The following CROT variants were observed in gnomAD, a reference collection of about 807,000 sequenced individuals.
CROT encodes the protein peroxisomal carnitine O-octanoyltransferase.
CROT carries 84 observed loss-of-function variants against 89.2 expected under a neutral mutation model. The ratio of observed to expected loss-of-function variants is 0.94; its 90% confidence interval spans 0.79 to 1.13. The LOEUF (loss-of-function observed/expected upper bound fraction) is 1.13, where lower values mean the gene tolerates loss of function less well. Ranked by LOEUF, CROT falls within the 50% of genes most tolerant of loss-of-function variation. CROT has a pLI of 0.00. For missense variants in CROT, 711 were observed against 727.8 expected, an observed-to-expected ratio of 0.98 and a Z score of 0.27; for synonymous variants, 212 against 239.5, an observed-to-expected ratio of 0.89 and a Z score of 1.06.
intron 7 of CROT, among the ~76,000 whole-genome samples, chr7:87,370,016 G>A (rs987972984): frequency 4.0e-5 from 6 of 151,896 alleles, no homozygotes; most frequent in African/African-American, 1.2e-4. Context: ...CATAGTCAAT[G>A]CTGTTTCAAC....
In CROT at chr7:87,352,003, C is replaced by T. The variant is rs530084655; in HGVS notation, c.115+2820C>T. ...CTATTTATAATTTGGTATTTTATTG[C>T]CATAAAGAGTCTGTTTTGTCAATCT... is the stretch of plus-strand genomic sequence containing the variant. On this transcript the variant is annotated intron_variant, in intron 3 of 17. Transcript: ENST00000331536. Among the ~76,000 whole-genome samples, 3 of 152,126 alleles carry T rather than the reference C, an allele frequency of 2.0e-5. No individual in the cohort carries two copies. In the South Asian group the frequency reaches 6.2e-4, roughly 32 times the overall value.
At chr7:87,384,137 C>A (rs1356962021) in intron 13 of CROT, among the ~76,000 whole-genome samples, 1 of 152,094 alleles carries the variant, frequency 6.6e-6, no homozygotes, top group Non-Finnish European at 1.5e-5. Flanking sequence ...GAGGTGATGT[C>A]TCATTGTAGT....
At chr7:87,349,237 G>C in intron 3 of CROT, 54 bp downstream of exon 3, 1 of 856,390 alleles carries the variant, frequency 1.2e-6, no homozygotes, top group Non-Finnish European at 1.7e-6. Context: ...TTAGAAAACT[G>C]TGATACTGTT....
intron 3 of CROT, chr7:87,357,383 T>C (rs1562928332): frequency 2.3e-6 from 3 of 1,295,004 alleles, no homozygotes; most frequent in Non-Finnish European, 3.3e-6. Context: ...TCTAACCCCA[T>C]TGGGCTAGAA....
intron 13 of CROT, among the ~76,000 whole-genome samples, chr7:87,390,260 A>T (rs1469643932): frequency 6.6e-6 from 1 of 152,164 alleles, no homozygotes. Flanking sequence ...TAAGATTAAG[A>T]GTGTGTTTAC....
At chr7:87,387,173 G>A (rs78440183) in intron 13 of CROT, among the ~76,000 whole-genome samples, 4,921 of 151,972 alleles carry the variant, frequency 0.032, 247 homozygotes, top group African/African-American at 0.11. Flanking sequence ...ATTGGTACTA[G>A]ATAGTTGTTT....
chr7:87,358,907 G>A (rs1806186148), intron 3 of CROT, among the ~76,000 whole-genome samples: 1 of 152,142 alleles, frequency 6.6e-6, no homozygotes, highest in Admixed American at 6.5e-5. Context: ...AATTTTTCCA[G>A]AGTTTGAAAA....
intron 2 of CROT, among the ~76,000 whole-genome samples, chr7:87,347,756 A>G (rs942241923): frequency 5.3e-5 from 8 of 152,194 alleles, no homozygotes; most frequent in Non-Finnish European, 1.2e-4. Context: ...AGATTCTGCA[A>G]TCCTGCATAT....
intron 17 of CROT, among the ~76,000 whole-genome samples, chr7:87,397,819 T>G (rs1009052460): frequency 4.6e-5 from 7 of 152,236 alleles, no homozygotes; most frequent in African/African-American, 1.7e-4. Context: ...TTAAGTGATG[T>G]GAAAATTGCA....
At chr7:87,350,285 T>C (rs1184538152) in intron 3 of CROT, among the ~76,000 whole-genome samples, 3 of 152,060 alleles carry the variant, frequency 2.0e-5, no homozygotes, top group Non-Finnish European at 2.9e-5. Flanking sequence ...AGACACAAGT[T>C]CCTCCCTTGG....
rs1054223051 is a variant in CROT at position 87,345,700 on chromosome 7, C to T, written c.-180C>T. ...CGCACCTTTGAGGCCCAAGGGGGAG[C>T]GAGCCGGTGCTGCTGCAGGCTGAGG... On this transcript the variant is annotated 5_prime_UTR_variant, in exon 1 of 18. Coordinates refer to ENST00000331536, the MANE Select transcript of CROT (RefSeq NM_021151.4). The T allele has an allele frequency of 2.5e-5, 9 of 367,322 alleles. No individual in the cohort carries two copies. The highest frequency in any genetic ancestry group is 3.9e-5 in the Non-Finnish European group (8 of 206,870). The allele number at this position is 367,322 out of a possible 1,614,324, so 22.8% of individuals were successfully genotyped here. A position where few individuals can be genotyped will look rare whatever the true frequency, so the allele number is the denominator to read the frequency against.
chr7:87,392,088 T>C (rs1040021788), intron 14 of CROT, among the ~76,000 whole-genome samples: 8 of 152,242 alleles, frequency 5.3e-5, no homozygotes, highest in African/African-American at 1.7e-4. Context: ...TTTCATATAG[T>C]GGAACCAGGA....
intron 8 of CROT, 38 bp downstream of exon 8, chr7:87,375,763 A>G (rs1456406831): frequency 6.2e-7 from 1 of 1,612,242 alleles, no homozygotes; most frequent in Non-Finnish European, 8.5e-7. Context: ...GCTTTTCTCT[A>G]ACAAACTCTT....
rs149306956 is a variant in CROT at position 87,375,918 on chromosome 7, A to G, written c.841A>G (p.Ser281Gly). ...TTTACTGGTATATTCCATGGAGGATAGCAGTCCACATGTAACACCAGAGGA... is the reference window on the plus strand; with the variant it reads ...TTTACTGGTATATTCCATGGAGGATGGCAGTCCACATGTAACACCAGAGGA... ...SSLLVYSMED[S>G]SPHVTPEDYS... is the part of the protein sequence containing the mutation. The change falls in exon 9 of 18, where the codon AGC becomes GGC. Residue 281 changes from serine (S) to glycine (G), a missense_variant. Ser to Gly is a moderately conservative substitution (Grantham distance 56). Transcript: ENST00000331536. 7.4e-6 allele frequency: 12 copies of G among 1,613,112 alleles called. No individual in the cohort carries two copies. The highest frequency in any genetic ancestry group is 9.3e-6 in the Non-Finnish European group (11 of 1,179,378).
chr7:87,369,347 A>G, intron 6 of CROT, 29 bp from the exon 7 acceptor site: 2 of 1,481,394 alleles, frequency 1.4e-6, no homozygotes, highest in Non-Finnish European at 1.9e-6. Flanking sequence ...CTTAGATTTG[A>G]GTCTTGTGTT....
At position 87,382,533 on chromosome 7, in the gene CROT, C is replaced by T; in HGVS notation, c.1291C>T (p.Leu431Phe). ...TGCACTTCAGCTGGCCTATTACAGA[C>T]TTCATGGACAGTAAGGACCATTCAG... ...QLALQLAYYR[L>F]HGHPGCCYET... The change falls in exon 13 of 18, where the codon CTT becomes TTT. Residue 431 changes from leucine (L) to phenylalanine (F), a missense_variant. Transcript: ENST00000331536. 1.2e-6 allele frequency: 2 copies of T among 1,613,530 alleles called. No homozygotes were observed. The highest frequency in any genetic ancestry group is 1.1e-5 in the South Asian group (1 of 90,954).
intron 3 of CROT, among the ~76,000 whole-genome samples, chr7:87,353,523 T>C (rs543414522): frequency 9.9e-5 from 15 of 152,256 alleles, no homozygotes; most frequent in African/African-American, 3.6e-4. Context: ...TTTGCATTGA[T>C]ATAAAGAAAT....
intron 10 of CROT, among the ~76,000 whole-genome samples, chr7:87,378,501 T>TCCC (rs1386747787): frequency 6.6e-6 from 1 of 152,218 alleles, no homozygotes; most frequent in Non-Finnish European, 1.5e-5. Flanking sequence ...TCAAATGCTT[T>TCCC]CATTAGAAAT....
At chr7:87,365,935 C>G (rs902567318) in intron 6 of CROT, among the ~76,000 whole-genome samples, 1 of 152,102 alleles carries the variant, frequency 6.6e-6, no homozygotes, top group East Asian at 1.9e-4. Flanking sequence ...TTACCTACCC[C>G]CTAGGAGACC....
Sources: allele counts gnomAD v4.1 joint callset (sites outside exome capture counted in the v4.1 genomes callset), GRCh38; gene constraint gnomAD v4.1.1; transcripts MANE v1.5; gene names NCBI Gene and HGNC (gene_info 2026-07-23, HGNC 2026-07-21).